The following KCNQ3 variants were observed in gnomAD, a reference collection of about 807,000 sequenced individuals.
The protein encoded by KCNQ3 is potassium voltage-gated channel subfamily KQT member 3.
Under a neutral mutation model 92.5 loss-of-function variants are expected in KCNQ3, and 30 were observed. The ratio of observed to expected loss-of-function variants is 0.32; its 90% CI spans 0.24 to 0.44. The LOEUF is 0.44. KCNQ3 is among the 20% of genes least tolerant of loss of function. The pLI, the probability that KCNQ3 is intolerant of heterozygous loss-of-function variation, is 1.00. For synonymous variants in KCNQ3, 450 were observed against 468.8 expected (o/e 0.96, Z 0.52); for missense variants, 913 against 1,140.3 (o/e 0.80, Z 2.87).
At chr8:132,323,112 C>A (rs550482853) in intron 1 of KCNQ3, among the ~76,000 whole-genome samples, 1 of 152,318 alleles carries the variant, frequency 6.6e-6, no homozygotes, top group East Asian at 1.9e-4. Context: ...AGGCAGTTCA[C>A]ATTTTTAGGA....
At chr8:132,378,983 T>G (rs995918544) in intron 1 of KCNQ3, among the ~76,000 whole-genome samples, 1 of 152,216 alleles carries the variant, frequency 6.6e-6, no homozygotes, top group Non-Finnish European at 1.5e-5. Flanking sequence ...GAGAAGCCAA[T>G]GGGAACCATA....
chr8:132,258,027 A>G (rs1017336162), intron 1 of KCNQ3, among the ~76,000 whole-genome samples: 1 of 152,156 alleles, frequency 6.6e-6, no homozygotes, highest in Non-Finnish European at 1.5e-5. Flanking sequence ...AAAAGAATCA[A>G]ATTCAAGGGA....
chr8:132,182,243 A>T (rs965686845), intron 3 of KCNQ3, among the ~76,000 whole-genome samples: 2 of 152,188 alleles, frequency 1.3e-5, no homozygotes, highest in African/African-American at 4.8e-5. Flanking sequence ...ATGCTTGCAG[A>T]GAAAACAAAA....
At chr8:132,474,332 A>T (rs1165181478) in intron 1 of KCNQ3, among the ~76,000 whole-genome samples, 1 of 152,164 alleles carries the variant, frequency 6.6e-6, no homozygotes, top group East Asian at 1.9e-4. Flanking sequence ...TTTATAGGTC[A>T]TCCCCAACTT....
chr8:132,180,028 T>A (rs1250359870), intron 4 of KCNQ3, 129 bp downstream of exon 4: 3 of 1,057,786 alleles, frequency 2.8e-6, no homozygotes, highest in Non-Finnish European at 4.3e-6. Context: ...CTCCTCTTCC[T>A]CTTTGTCGTT....
chr8:132,230,621 A>G (rs993442424), intron 1 of KCNQ3, among the ~76,000 whole-genome samples: 1 of 152,138 alleles, frequency 6.6e-6, no homozygotes, highest in African/African-American at 2.4e-5. Context: ...GTTATCCCAA[A>G]CCTCAATCAA....
intron 5 of KCNQ3, among the ~76,000 whole-genome samples, chr8:132,174,771 T>G (rs1415422199): frequency 1.3e-5 from 2 of 152,234 alleles, no homozygotes; most frequent in Non-Finnish European, 2.9e-5. Context: ...TGTGTGTGTT[T>G]ACATGTTTAT....
chr8:132,386,872 G>C (rs567927917), intron 1 of KCNQ3, among the ~76,000 whole-genome samples: 1 of 152,030 alleles, frequency 6.6e-6, no homozygotes, highest in African/African-American at 2.4e-5. Flanking sequence ...AATACATTTT[G>C]GGGAGCATTA....
chr8:132,370,736 AAAT>A (rs1284822972), intron 1 of KCNQ3, among the ~76,000 whole-genome samples: 1 of 152,178 alleles, frequency 6.6e-6, no homozygotes, highest in African/African-American at 2.4e-5. Flanking sequence ...GTACTATTGG[AAAT>A]AATAATTTGT....
chr8:132,187,021 C>G (rs1397042849), intron 1 of KCNQ3, among the ~76,000 whole-genome samples: 1 of 133,782 alleles, frequency 7.5e-6, no homozygotes, highest in South Asian at 2.6e-4. Context: ...ATTGTTTTAC[C>G]AAGGAAAATG....
At chr8:132,195,296 CT>C (rs1158335068) in intron 1 of KCNQ3, among the ~76,000 whole-genome samples, 2 of 152,228 alleles carry the variant, frequency 1.3e-5, no homozygotes, top group East Asian at 3.8e-4. Context: ...ATGATTCCAT[CT>C]CTTAATACTA....
chr8:132,357,466 G>T (rs1357783868), intron 1 of KCNQ3, among the ~76,000 whole-genome samples: 1 of 152,234 alleles, frequency 6.6e-6, no homozygotes, highest in African/African-American at 2.4e-5. Flanking sequence ...CTCAGACAAT[G>T]ATTGTGCTGG....
At chr8:132,288,592 A>G (rs1357513515) in intron 1 of KCNQ3, among the ~76,000 whole-genome samples, 3 of 152,066 alleles carry the variant, frequency 2.0e-5, no homozygotes, top group Admixed American at 6.5e-5. Context: ...ATATTTCTCT[A>G]TAGCTTTCTG....
At chr8:132,476,889 C>A (rs549670737) in intron 1 of KCNQ3, among the ~76,000 whole-genome samples, 1 of 152,244 alleles carries the variant, frequency 6.6e-6, no homozygotes, top group Middle Eastern at 3.4e-3. Flanking sequence ...ACCCAACTCT[C>A]GTCTCAAATT....
In KCNQ3 at chr8:132,410,105, G is replaced by T. The variant is rs563549412; in HGVS notation, c.386+70042C>A. On this transcript the variant is annotated intron_variant, in intron 1 of 14. Coordinates refer to ENST00000388996, the MANE Select transcript of KCNQ3 (RefSeq NM_004519.4). The stretch of plus-strand genomic sequence containing the variant: ...GATGGCACCACTTCAGTGTAGCTGG[G>T]TGACAGAATGAGACCCTGTCTCAAA... Among the ~76,000 whole-genome samples the T allele has an allele frequency of 5.3e-5, 8 of 152,274 alleles. No homozygotes were observed. In the South Asian group the frequency reaches 1.7e-3, roughly 32 times the overall value.
chr8:132,428,291 A>G (rs1310396192), intron 1 of KCNQ3, among the ~76,000 whole-genome samples: 2 of 152,002 alleles, frequency 1.3e-5, no homozygotes, highest in African/African-American at 4.8e-5. Flanking sequence ...CATTCTTCTC[A>G]TTCTTTCTGC....
chr8:132,210,825 C>T (rs1209651185), intron 1 of KCNQ3, among the ~76,000 whole-genome samples: 1 of 152,172 alleles, frequency 6.6e-6, no homozygotes, highest in African/African-American at 2.4e-5. Context: ...ATGGAGGCCA[C>T]CTTAAAGTCT....
chr8:132,163,199 A>G lies in KCNQ3; in HGVS notation c.1262+269T>C, dbSNP rs1432030. On this transcript the variant is annotated intron_variant, in intron 9 of 14. Transcript: ENST00000388996. ...TTAGGGCCTATCTTACATTGTGGTT[A>G]TGAAGACCAAATGAGATAACATATG... 0.95 allele frequency among the ~76,000 whole-genome samples: 144,102 copies of G among 152,262 alleles called. 68,513 individuals carry two copies. The highest frequency in any genetic ancestry group is 0.99 in the African/African-American group (41,191 of 41,564).
intron 1 of KCNQ3, among the ~76,000 whole-genome samples, chr8:132,476,289 G>A (rs988391407): frequency 6.6e-6 from 1 of 152,208 alleles, no homozygotes; most frequent in African/African-American, 2.4e-5. Flanking sequence ...ATCCCCAATG[G>A]GACACTGCCT....
Sources: gnomAD v4.1 joint callset for allele counts (sites outside exome capture counted in the v4.1 genomes callset) on GRCh38, gnomAD v4.1.1 for gene constraint, MANE v1.5 for transcripts, NCBI Gene and HGNC (gene_info 2026-07-23, HGNC 2026-07-21) for gene names.